The following ACBD6 variants were observed in gnomAD, a reference collection of about 807,000 sequenced individuals.
The protein encoded by ACBD6 is acyl-CoA binding domain containing 6, also known as acyl-CoA-binding domain-containing protein 6.
ACBD6 carries 28 observed loss-of-function variants against 37.2 expected under a neutral mutation model. The observed-to-expected ratio is 0.75, with a 90% CI of 0.56 to 1.03. ACBD6 has a LOEUF of 1.03. ACBD6 is among the 50% of genes least tolerant of loss of function. ACBD6 has a pLI of 0.00. For missense variants in ACBD6, 340 were observed against 337.4 expected (o/e 1.01, Z -0.06); for synonymous variants, 113 against 126.8 (o/e 0.89, Z 0.73).
At chr1:180,436,221 A>G (rs1272309599) in intron 3 of ACBD6, among the ~76,000 whole-genome samples, 1 of 152,174 alleles carries the variant, frequency 6.6e-6, no homozygotes, top group East Asian at 1.9e-4. Flanking sequence ...CTGCAAGTGG[A>G]AGCTGATAAT....
intron 7 of ACBD6, 115 bp from the exon 8 acceptor site, chr1:180,288,632 G>T: frequency 8.1e-7 from 1 of 1,234,224 alleles, no homozygotes; most frequent in Non-Finnish European, 1.2e-6. Flanking sequence ...AATGAGCAAT[G>T]TTACAGTGAC....
chr1:180,419,742 A>T (rs1648275447), intron 4 of ACBD6, among the ~76,000 whole-genome samples: 1 of 152,194 alleles, frequency 6.6e-6, no homozygotes, highest in African/African-American at 2.4e-5. Flanking sequence ...AGAAAATCAT[A>T]AGGAAAATAT....
chr1:180,296,293 GAAGGAAA>G (rs1649914540), intron 7 of ACBD6, among the ~76,000 whole-genome samples: 1 of 152,210 alleles, frequency 6.6e-6, no homozygotes. Flanking sequence ...TCATGAGGTT[GAAGGAAA>G]GTTGTCTCCA....
chr1:180,407,359 CA>C, intron 5 of ACBD6, among the ~76,000 whole-genome samples: 1 of 152,300 alleles, frequency 6.6e-6, no homozygotes. Context: ...AGCACTACAT[CA>C]AAGTAACAAA....
chr1:180,395,292 T>C (rs745777465), intron 6 of ACBD6, among the ~76,000 whole-genome samples: 7 of 152,066 alleles, frequency 4.6e-5, no homozygotes, highest in Non-Finnish European at 7.4e-5. Flanking sequence ...CTGAGGGATA[T>C]CAAAGAAGAG....
chr1:180,361,292 A>G lies in ACBD6; in HGVS notation c.663+36224T>C, dbSNP rs865778488. ...TTTTTTTCCTTTTTTTTTTTTTTTT[A>G]AACAGGTGCTTAGATATGCTTAGGC... On this transcript the variant is annotated intron_variant, in intron 6 of 7. Coordinates refer to ENST00000367595, the MANE Select transcript of ACBD6 (RefSeq NM_032360.4). Among the ~76,000 whole-genome samples, 4 of 49,282 alleles carry G rather than the reference A, an allele frequency of 8.1e-5. 1 individual carries two copies. The highest frequency in any genetic ancestry group is 2.8e-4 in the African/African-American group (4 of 14,288). 32.3% of individuals were successfully genotyped at this position (49,282 alleles called of 152,430 possible).
chr1:180,304,116 A>T (rs1215809970), intron 7 of ACBD6, among the ~76,000 whole-genome samples: 1 of 150,924 alleles, frequency 6.6e-6, no homozygotes, highest in Non-Finnish European at 1.5e-5. Context: ...TCATAATAAT[A>T]AGAGCTATCT....
intron 3 of ACBD6, among the ~76,000 whole-genome samples, chr1:180,446,371 T>C (rs1417129199): frequency 1.3e-5 from 2 of 152,158 alleles, no homozygotes; most frequent in Non-Finnish European, 2.9e-5. Context: ...GAGAAAACTT[T>C]AAACATTTTT....
chr1:180,502,402 G>C lies in ACBD6; in HGVS notation c.-136C>G, dbSNP rs951718826. The C allele has an allele frequency of 3.2e-6, 3 of 933,876 alleles. No individual in the cohort carries two copies. Among genetic ancestry groups the C allele is most frequent in the South Asian group, 1.4e-5 (1 of 70,996 alleles). The allele number at this position is 933,876 out of a possible 1,614,324, so 57.8% of individuals were successfully genotyped here. ...TCGGACCCAAGCTCAGTCGCGGCGC[G>C]CTCCCTCACGTGACCCTGCTCCCTG... is the stretch of plus-strand genomic sequence containing the variant. On this transcript the variant is annotated 5_prime_UTR_variant, in exon 1 of 8. Transcript: ENST00000367595.
intron 3 of ACBD6, among the ~76,000 whole-genome samples, chr1:180,476,434 G>A (rs1360048525): frequency 6.6e-6 from 1 of 151,982 alleles, no homozygotes; most frequent in East Asian, 1.9e-4. Flanking sequence ...TCACTCAAAG[G>A]TTTTTGCCTA....
At chr1:180,449,159 G>C (rs1445488775) in intron 3 of ACBD6, among the ~76,000 whole-genome samples, 1 of 152,144 alleles carries the variant, frequency 6.6e-6, no homozygotes, top group Admixed American at 6.5e-5. Context: ...TCATGAAAGA[G>C]AGATTTAGAG....
intron 7 of ACBD6, among the ~76,000 whole-genome samples, chr1:180,302,068 G>A (rs2149284217): frequency 6.6e-6 from 1 of 151,934 alleles, no homozygotes; most frequent in South Asian, 2.1e-4. Context: ...GATAGCATTA[G>A]GAGATAAACC....
chr1:180,371,016 GCC>G (rs1653242294), intron 6 of ACBD6, among the ~76,000 whole-genome samples: 1 of 151,912 alleles, frequency 6.6e-6, no homozygotes, highest in Non-Finnish European at 1.5e-5. Flanking sequence ...TCTCTAAAAT[GCC>G]TTAATTTTTT....
chr1:180,371,063 A>G (rs1163680562), intron 6 of ACBD6, among the ~76,000 whole-genome samples: 2 of 152,082 alleles, frequency 1.3e-5, no homozygotes, highest in African/African-American at 4.8e-5. Context: ...GAAAATTGAT[A>G]AACTGAAAAT....
At position 180,328,671 on chromosome 1, in the gene ACBD6, A is replaced by G. The variant is rs1040584924; in HGVS notation, c.664-13949T>C. Among the ~76,000 whole-genome samples the G allele has an allele frequency of 3.3e-5, 5 of 152,162 alleles. No individual in the cohort carries two copies. The East Asian group carries it at 9.6e-4, about 29-fold the overall frequency. ...GAGGCACTCAAGCAAACTGGCTGTG[A>G]GAAATTCGAAGTAGTAATAAAAAAT... On this transcript the variant is annotated intron_variant, in intron 6 of 7. Transcript: ENST00000367595.
intron 6 of ACBD6, among the ~76,000 whole-genome samples, chr1:180,328,916 A>G (rs1651366801): frequency 6.6e-6 from 1 of 152,176 alleles, no homozygotes; most frequent in Admixed American, 6.5e-5. Flanking sequence ...GAAACAATGT[A>G]GATACAGTAA....
intron 6 of ACBD6, among the ~76,000 whole-genome samples, chr1:180,330,453 C>A (rs970975110): frequency 4.6e-5 from 7 of 151,654 alleles, no homozygotes; most frequent in African/African-American, 1.2e-4. Flanking sequence ...AACAAAAAAA[C>A]CAAACCAAAA....
At chr1:180,272,116 G>A in intron 13 of ACBD6, 2 of 950,272 alleles carry the variant, frequency 2.1e-6, no homozygotes, top group Non-Finnish European at 1.5e-6. Context: ...ACTCCCTCCT[G>A]AACACAGGCT....
intron 4 of ACBD6, among the ~76,000 whole-genome samples, chr1:180,422,910 G>GTA (rs1449577624): frequency 6.6e-6 from 1 of 152,166 alleles, no homozygotes; most frequent in Admixed American, 6.5e-5. Flanking sequence ...TACTGCAGTA[G>GTA]TATAGTATGT....
Sources: allele counts gnomAD v4.1 joint callset (sites outside exome capture counted in the v4.1 genomes callset), GRCh38; gene constraint gnomAD v4.1.1; transcripts MANE v1.5; gene names NCBI Gene and HGNC (gene_info 2026-07-23, HGNC 2026-07-21).